The following VASN variants were observed in gnomAD, a reference collection of about 807,000 sequenced individuals.
The protein encoded by VASN is protein slit-like 2.
In VASN, 5 loss-of-function variants were observed where a neutral mutation model predicts 4.8. The observed-to-expected ratio is 1.03, with a 90% CI of 0.54 to 2.17. VASN has a LOEUF of 2.17. Ranked by LOEUF, VASN falls within the 30% of genes most tolerant of loss-of-function variation. The probability of loss-of-function intolerance (pLI) is 0.01; values close to 1 mark genes in which losing one functional copy is unlikely to be tolerated. For missense variants in VASN, 927 were observed against 948.8 expected (o/e 0.98, Z 0.30); for synonymous variants, 499 against 460.8 (o/e 1.08, Z -1.06).
At chr16:4,374,588 CCTGGGCCCCGAGCCCGG>C (rs1206498585) in intron 1 of VASN, among the ~76,000 whole-genome samples, 1 of 152,140 alleles carries the variant, frequency 6.6e-6, no homozygotes, top group Non-Finnish European at 1.5e-5. Context: ...CCCTGCTGGC[CCTGGGCCCCGAGCCCGG>C]CTGGGCATTG....
At chr16:4,373,082 G>T (rs2054591441) in intron 1 of VASN, among the ~76,000 whole-genome samples, 1 of 152,120 alleles carries the variant, frequency 6.6e-6, no homozygotes, top group Admixed American at 6.5e-5. Context: ...AGTCCAGGGG[G>T]CAGCAAAGTC....
In VASN at chr16:4,383,255, A is replaced by G. The variant is rs2055068228; in HGVS notation, c.*356A>G. The G allele has an allele frequency of 3.6e-6, 1 of 280,218 alleles. No homozygotes were observed. Among genetic ancestry groups the G allele is most frequent in the Non-Finnish European group, 7.0e-6 (1 of 141,958 alleles). The allele number at this position is 280,218 out of a possible 1,614,324, so 17.4% of individuals were successfully genotyped here. A position where few individuals can be genotyped will look rare whatever the true frequency, so the allele number is the denominator to read the frequency against. On this transcript the variant is annotated 3_prime_UTR_variant, in exon 2 of 2. Transcript: ENST00000304735. ...CCAGGCGGACCCTGGGGGCCAGTGA[A>G]GGAAGCTCCCGGAAAGAGCAGAGGG... is the stretch of plus-strand genomic sequence containing the variant.
chr16:4,379,919 ATGGTGGCTGG>A (rs2054891643), intron 1 of VASN, among the ~76,000 whole-genome samples: 1 of 26,182 alleles, frequency 3.8e-5, no homozygotes, highest in East Asian at 3.7e-3. Context: ...TTAGCCATGC[ATGGTGGCTGG>A]CACCTGTAGT....
At chr16:4,380,830 A>C in intron 1 of VASN, 39 bp from the exon 2 acceptor site, 1 of 1,433,330 alleles carries the variant, frequency 7.0e-7, no homozygotes, top group Non-Finnish European at 9.1e-7. Context: ...TAGGCCCCTG[A>C]CTCACAGTCT....
chr16:4,374,860 C>T (rs1280271196), intron 1 of VASN, among the ~76,000 whole-genome samples: 1 of 152,076 alleles, frequency 6.6e-6, no homozygotes, highest in Admixed American at 6.5e-5. Context: ...GGCGGCCTTC[C>T]TTGGTGACTA....
At position 4,382,098 on chromosome 16, in the gene VASN, G is replaced by A. The variant is rs766610224; in HGVS notation, c.1221G>A (p.Gln407=). The change falls in exon 2 of 2, where the codon CAG becomes CAA. Residue 407 remains glutamine (Q), a synonymous_variant. Transcript: ENST00000304735. ...PPTVGPVPQP[Q]DCPPSTCLNG... is the part of the protein sequence containing the mutation. The stretch of plus-strand genomic sequence containing the variant: ...CTGTAGGGCCTGTCCCCCAGCCCCA[G>A]GACTGCCCACCGTCCACCTGCCTCA... 1.0e-5 allele frequency: 16 copies of A among 1,585,336 alleles called. No homozygotes were observed. The Admixed American group carries it at 2.6e-4, about 26-fold the overall frequency.
At chr16:4,379,087 G>A (rs1158223771) in intron 1 of VASN, among the ~76,000 whole-genome samples, 5 of 152,038 alleles carry the variant, frequency 3.3e-5, no homozygotes, top group Admixed American at 2.0e-4. Flanking sequence ...AGGAACCCAC[G>A]TACCTGGGGG....
chr16:4,382,209 G>T lies in VASN; in HGVS notation c.1332G>T (p.Gln444His). Residue 444 changes from glutamine to histidine, a missense_variant, in exon 2 of 2, where the codon CAG becomes CAT. By Grantham distance (24) the Gln-to-His change is conservative. Transcript: ENST00000304735. ...TCACGGGCCTGTACTGTGAGAGCCA[G>T]ATGGGGCAGGGGACACGGCCCAGCC... ...EGFTGLYCESQMGQGTRPSPT... is the reference protein window; with the variant it reads ...EGFTGLYCESHMGQGTRPSPT... The T allele has an allele frequency of 1.9e-6, 3 of 1,603,942 alleles. No individual in the cohort carries two copies. Among genetic ancestry groups the T allele is most frequent in the Non-Finnish European group, 2.5e-6 (3 of 1,177,064 alleles).
chr16:4,377,885 C>T (rs1268317684), intron 1 of VASN, among the ~76,000 whole-genome samples: 1 of 152,174 alleles, frequency 6.6e-6, no homozygotes, highest in East Asian at 1.9e-4. Context: ...CCCAGGACCC[C>T]AGCCCACAGT....
intron 1 of VASN, among the ~76,000 whole-genome samples, chr16:4,380,557 G>T (rs2141242791): frequency 6.6e-6 from 1 of 152,342 alleles, no homozygotes; most frequent in African/African-American, 2.4e-5. Context: ...TCTGAGGCAG[G>T]GGATGGGGGA....
At chr16:4,374,401 G>C (rs1195732992) in intron 1 of VASN, among the ~76,000 whole-genome samples, 2 of 152,194 alleles carry the variant, frequency 1.3e-5, no homozygotes, top group Non-Finnish European at 2.9e-5. Context: ...TTTGGGCAGG[G>C]GGTGGGGGCA....
In VASN at chr16:4,381,027, G is replaced by C; in HGVS notation, c.150G>C (p.Val50=). 6.2e-7 allele frequency: 1 copy of C among 1,610,066 alleles called. No individual in the cohort carries two copies. Among genetic ancestry groups the C allele is most frequent in the South Asian group, 1.1e-5 (1 of 90,654 alleles). ...ARQGTTVPRD[V]PPDTVGLYVF... ...AGGGGACCACGGTGCCCCGAGACGT[G>C]CCACCCGACACGGTGGGGCTGTACG... is the stretch of plus-strand genomic sequence containing the variant. Residue 50 remains valine, a synonymous_variant, in exon 2 of 2, where the codon GTG becomes GTC. Coordinates refer to ENST00000304735, the MANE Select transcript of VASN (RefSeq NM_138440.3).
At chr16:4,374,205 T>C (rs1229259127) in intron 1 of VASN, among the ~76,000 whole-genome samples, 1 of 149,324 alleles carries the variant, frequency 6.7e-6, no homozygotes, top group Non-Finnish European at 1.5e-5. Flanking sequence ...GTGGGGGTGT[T>C]TGGGGGAGCC....
rs1387306202 is a variant in VASN at position 4,383,424 on chromosome 16, C to T, written c.*525C>T. On this transcript the variant is annotated 3_prime_UTR_variant, in exon 2 of 2. Transcript: ENST00000304735. Reference sequence around the variant, plus strand: ...TATAAGAGATCCTTTCCCATTTATTCTGGGAAGATGTTTTTCAAACTCAGA... The same window carrying T: ...TATAAGAGATCCTTTCCCATTTATTTTGGGAAGATGTTTTTCAAACTCAGA... 6.0e-6 allele frequency: 1 copy of T among 167,244 alleles called. No individual in the cohort carries two copies. The highest frequency in any genetic ancestry group is 6.5e-5 in the Admixed American group (1 of 15,290). The allele number at this position is 167,244 out of a possible 1,614,324, so 10.4% of individuals were successfully genotyped here. A position where few individuals can be genotyped will look rare whatever the true frequency, so the allele number is the denominator to read the frequency against.
Position 4,382,993 on chromosome 16 carries a change from A to T in VASN, c.*94A>T. 1.5e-6 allele frequency: 2 copies of T among 1,322,420 alleles called. No homozygotes were observed. Among genetic ancestry groups the T allele is most frequent in the Non-Finnish European group, 2.0e-6 (2 of 988,918 alleles). The allele number at this position is 1,322,420 out of a possible 1,614,324, so 81.9% of individuals were successfully genotyped here. A position where few individuals can be genotyped will look rare whatever the true frequency, so the allele number is the denominator to read the frequency against. On this transcript the variant is annotated 3_prime_UTR_variant, in exon 2 of 2. Transcript: ENST00000304735. ...CACACCACGTAAGTTCTCAGTCCCA[A>T]CCTCGGGGATGTGTGCAGACAGGGC...
intron 1 of VASN, among the ~76,000 whole-genome samples, chr16:4,380,034 G>A (rs1194964874): frequency 1.3e-5 from 2 of 151,126 alleles, no homozygotes; most frequent in Non-Finnish European, 3.0e-5. Flanking sequence ...CTCCAGCTTG[G>A]GTGACAGAGC....
rs1351587599 is a variant in VASN, at chr16:4,381,965, C to T, written c.1088C>T (p.Pro363Leu). ...ACAGCCACAGTGCCCACCACGAGGC[C>T]CGTGGTGCGGGAGCCCACAGCCTTG... is the stretch of plus-strand genomic sequence containing the variant. ...TTTATVPTTR[P>L]VVREPTALSS... is the part of the protein sequence containing the mutation. Residue 363 changes from proline (P) to leucine (L), a missense_variant, in exon 2 of 2, where the codon CCC becomes CTC. Coordinates refer to ENST00000304735, the MANE Select transcript of VASN (RefSeq NM_138440.3). The T allele has an allele frequency of 5.0e-6, 8 of 1,608,522 alleles. No individual in the cohort carries two copies. In the South Asian group the frequency reaches 8.8e-5, roughly 18 times the overall value.
chr16:4,375,909 C>T (rs966888804), intron 1 of VASN, among the ~76,000 whole-genome samples: 11 of 152,166 alleles, frequency 7.2e-5, no homozygotes, highest in Non-Finnish European at 1.0e-4. Flanking sequence ...AGGTGGGAGA[C>T]GGAAGCCCAG....
chr16:4,379,875 T>A (rs1231810112), intron 1 of VASN, among the ~76,000 whole-genome samples: 5 of 118,110 alleles, frequency 4.2e-5, no homozygotes, highest in Non-Finnish European at 7.3e-5. Flanking sequence ...AAACCCTGTC[T>A]CTACTAAAAA....
Sources: allele counts gnomAD v4.1 joint callset (sites outside exome capture counted in the v4.1 genomes callset), GRCh38; gene constraint gnomAD v4.1.1; transcripts MANE v1.5; gene names NCBI Gene and HGNC (gene_info 2026-07-23, HGNC 2026-07-21).